GALNT10: variants seen among roughly 807,000 people sequenced by gnomAD.
GALNT10 encodes GalNAc transferase 10.
GALNT10 carries 41 observed loss-of-function variants against 75.0 expected under a neutral mutation model. The ratio of observed to expected loss-of-function variants is 0.55; its 90% CI spans 0.43 to 0.71. The LOEUF is 0.71. GALNT10 is among the 30% of genes least tolerant of loss of function. The pLI, the probability that GALNT10 is intolerant of heterozygous loss-of-function variation, is 0.00. For missense variants in GALNT10, 727 were observed against 818.5 expected, an observed-to-expected ratio of 0.89 and a Z score of 1.36; for synonymous variants, 302 against 313.0, an observed-to-expected ratio of 0.96 and a Z score of 0.37.
At chr5:154,386,044 ACT>A (rs1755801690) in intron 6 of GALNT10, among the ~76,000 whole-genome samples, 1 of 152,180 alleles carries the variant, frequency 6.6e-6, no homozygotes, top group Admixed American at 6.5e-5. Context: ...TGGACAAAGT[ACT>A]GTGATTTCAT....
In GALNT10 at chr5:154,416,429, T is replaced by C. The variant is rs564882409; in HGVS notation, c.1654-385T>C. 1.6e-4 allele frequency among the ~76,000 whole-genome samples: 24 copies of C among 149,176 alleles called. No individual in the cohort carries two copies. Among genetic ancestry groups the C allele is most frequent in the African/African-American group, 5.0e-4 (20 of 40,118 alleles). The stretch of plus-strand genomic sequence containing the variant: ...GCCTGGGTGACAGAGTGAGAACCTG[T>C]CTCAAAAAAATTAAAAAAATTAAAA... On this transcript the variant is annotated intron_variant, in intron 11 of 11. Coordinates refer to ENST00000297107, the MANE Select transcript of GALNT10 (RefSeq NM_198321.4). This position sits in a 1 kb window ranked among gnomAD's most constrained non-coding sequence, Gnocchi z 4.5.
chr5:154,311,545 A>G (rs577900773), intron 3 of GALNT10, among the ~76,000 whole-genome samples: 4 of 151,776 alleles, frequency 2.6e-5, no homozygotes, highest in Non-Finnish European at 4.4e-5. Context: ...TGTTTTTTCT[A>G]TTGCATCATA....
chr5:154,406,561 C>T (rs1293175631), intron 8 of GALNT10, among the ~76,000 whole-genome samples: 3 of 152,196 alleles, frequency 2.0e-5, no homozygotes, highest in Non-Finnish European at 1.5e-5. Flanking sequence ...GTTTGGGAGG[C>T]CAAGGCGGGC....
At chr5:154,237,093 T>C (rs1296537481) in intron 1 of GALNT10, among the ~76,000 whole-genome samples, 1 of 152,194 alleles carries the variant, frequency 6.6e-6, no homozygotes, top group African/African-American at 2.4e-5. Context: ...AAACTGGTTC[T>C]TTGTGTCCCA....
chr5:154,409,730 C>A lies in GALNT10; in HGVS notation c.1354C>A (p.Pro452Thr). ...IAWDLPKFYP[P>T]VEPPAAAWGE... ...CTGGGACCTGCCCAAATTCTACCCACCCGTGGAGCCCCCGGCTGCAGCTTG... is the reference window on the plus strand; with the variant it reads ...CTGGGACCTGCCCAAATTCTACCCAACCGTGGAGCCCCCGGCTGCAGCTTG... Residue 452 changes from proline (P) to threonine (T), a missense_variant, in exon 9 of 12, where the codon CCC (proline) becomes ACC (threonine). Pro to Thr is a conservative substitution (Grantham distance 38). Coordinates refer to ENST00000297107, the MANE Select transcript of GALNT10 (RefSeq NM_198321.4). The surrounding 1 kb of genome is among the most constrained non-coding windows in gnomAD (Gnocchi z 4.5). 6 of 1,613,982 alleles carry A rather than the reference C, an allele frequency of 3.7e-6. No homozygotes were observed. The highest frequency in any genetic ancestry group is 5.1e-6 in the Non-Finnish European group (6 of 1,179,886).
At chr5:154,332,332 G>A (rs6580073) in intron 4 of GALNT10, among the ~76,000 whole-genome samples, 35,082 of 151,914 alleles carry the variant, frequency 0.23, 4,554 homozygotes, top group African/African-American at 0.36. Context: ...TGAGGGCTGC[G>A]CTCACTTTCT....
chr5:154,303,493 A>T (rs1754388828), intron 3 of GALNT10, among the ~76,000 whole-genome samples: 1 of 152,186 alleles, frequency 6.6e-6, no homozygotes, highest in Admixed American at 6.5e-5. Flanking sequence ...CTGGGAAAGG[A>T]ATCACCCTAA....
At chr5:154,252,647 TAC>T (rs1460043029) in intron 1 of GALNT10, among the ~76,000 whole-genome samples, 1 of 152,020 alleles carries the variant, frequency 6.6e-6, no homozygotes, top group Non-Finnish European at 1.5e-5. Context: ...TCTTTTTCAG[TAC>T]ATTAATGCCT....
At chr5:154,405,233 G>A (rs1217564565) in intron 8 of GALNT10, among the ~76,000 whole-genome samples, 1 of 152,176 alleles carries the variant, frequency 6.6e-6, no homozygotes, top group Non-Finnish European at 1.5e-5. Context: ...TGCAGCCCCC[G>A]GGACCTAGAA....
Position 154,409,805 on chromosome 5 carries a change from T to A in GALNT10, c.1386+43T>A. On this transcript the variant is annotated intron_variant, in intron 9 of 11. Coordinates refer to ENST00000297107, the MANE Select transcript of GALNT10 (RefSeq NM_198321.4). This position sits in a 1 kb window ranked among gnomAD's most constrained non-coding sequence, Gnocchi z 4.5. Reference sequence around the variant, plus strand: ...GGCTGGCTCCATAATTTAATGGGTGTGCAAAATGCAAATGCAGATCCCATG... The same window carrying A: ...GGCTGGCTCCATAATTTAATGGGTGAGCAAAATGCAAATGCAGATCCCATG... 8.0e-7 allele frequency: 1 copy of A among 1,245,146 alleles called. No individual in the cohort carries two copies. The highest frequency in any genetic ancestry group is 1.2e-6 in the Non-Finnish European group (1 of 845,000). 77.1% of individuals were successfully genotyped at this position (1,245,146 alleles called of 1,614,324 possible).
intron 4 of GALNT10, among the ~76,000 whole-genome samples, chr5:154,365,976 C>A (rs1459985475): frequency 6.6e-6 from 1 of 152,166 alleles, no homozygotes; most frequent in Non-Finnish European, 1.5e-5. Context: ...CCATGCTTGC[C>A]ACTGCACTGA....
intron 1 of GALNT10, among the ~76,000 whole-genome samples, chr5:154,273,780 T>C (rs1753908029): frequency 6.6e-6 from 1 of 152,244 alleles, no homozygotes; most frequent in Admixed American, 6.5e-5. Context: ...ATTTTAAAAA[T>C]GCCGTGAAGG....
Position 154,416,468 on chromosome 5 carries a change from A to G in GALNT10, c.1654-346A>G, listed in dbSNP as rs372084703. 2.7e-4 allele frequency among the ~76,000 whole-genome samples: 28 copies of G among 105,368 alleles called. No homozygotes were observed. Among genetic ancestry groups the G allele is most frequent in the African/African-American group, 1.0e-3 (28 of 27,006 alleles). The allele number at this position is 105,368 out of a possible 152,430, so 69.1% of individuals were successfully genotyped here. On this transcript the variant is annotated intron_variant, in intron 11 of 11. Transcript: ENST00000297107. The surrounding 1 kb of genome is among the most constrained non-coding windows in gnomAD (Gnocchi z 4.5). ...AAAAAATTAAAAAAATAAAAGATAA[A>G]AGGAAAGCACATACACACACACACA...
At chr5:154,330,859 C>T (rs934269114) in intron 4 of GALNT10, among the ~76,000 whole-genome samples, 1 of 151,872 alleles carries the variant, frequency 6.6e-6, no homozygotes, top group African/African-American at 2.4e-5. Context: ...TTTAATACCG[C>T]ACTCTTAATT....
chr5:154,385,797 G>T (rs985418451), intron 6 of GALNT10, among the ~76,000 whole-genome samples: 2 of 152,238 alleles, frequency 1.3e-5, no homozygotes, highest in Non-Finnish European at 2.9e-5. Context: ...AAACGTCCAT[G>T]CTGGCCTACT....
intron 7 of GALNT10, chr5:154,387,732 T>C (rs1309482631): frequency 1.3e-5 from 2 of 151,300 alleles, no homozygotes; most frequent in African/African-American, 4.9e-5. Context: ...TAATAAATTA[T>C]CCTAAAGATT....
rs201222592 is a variant in GALNT10, at chr5:154,190,789, C to CCGGGCGGA, written c.-67_-60dup. ...TCTGCTGGCTGAGCTGCTGCCGCCGCCGGGCGGACGGGCGGACGCGCGGAG... is the reference window on the plus strand; with the variant it reads ...TCTGCTGGCTGAGCTGCTGCCGCCGCCGGGCGGACGGGCGGACGGGCGGACGCGCGGAG... On this transcript the variant is annotated 5_prime_UTR_variant, in exon 1 of 12. Transcript: ENST00000297107. 0.33 allele frequency: 210,131 copies of CCGGGCGGA among 628,882 alleles called. 40,256 individuals carry two copies. Among genetic ancestry groups the CCGGGCGGA allele is most frequent in the East Asian group, 0.86 (5,849 of 6,810 alleles). The allele number at this position is 628,882 out of a possible 1,614,324, so 39.0% of individuals were successfully genotyped here.
intron 1 of GALNT10, among the ~76,000 whole-genome samples, chr5:154,244,844 C>T (rs972069029): frequency 4.6e-5 from 7 of 152,222 alleles, no homozygotes; most frequent in African/African-American, 1.7e-4. Context: ...GAGGTTGGGA[C>T]TTTCCCAGCA....
Position 154,416,670 on chromosome 5 carries a change from T to G in GALNT10, c.1654-144T>G. ...GGGAGGCTGGGCAGCATCCGGCTTG[T>G]GAGCTCAGGAGGAAAACCAACAGGT... On this transcript the variant is annotated intron_variant, in intron 11 of 11. Transcript: ENST00000297107. This position sits in a 1 kb window ranked among gnomAD's most constrained non-coding sequence, Gnocchi z 4.5. 1 of 647,286 alleles carries G rather than the reference T, an allele frequency of 1.5e-6. No individual in the cohort carries two copies. Among genetic ancestry groups the G allele is most frequent in the Non-Finnish European group, 2.7e-6 (1 of 364,572 alleles). The allele number at this position is 647,286 out of a possible 1,614,324, so 40.1% of individuals were successfully genotyped here.
Sources: allele counts gnomAD v4.1 joint callset (sites outside exome capture counted in the v4.1 genomes callset), GRCh38; gene constraint gnomAD v4.1.1; non-coding constraint Gnocchi (gnomAD v3.1); transcripts MANE v1.5; gene names NCBI Gene and HGNC (gene_info 2026-07-23, HGNC 2026-07-21).